The following TNNT3 variants were observed in gnomAD, a reference collection of about 807,000 sequenced individuals.
TNNT3 encodes the protein troponin T3, fast skeletal type.
A neutral mutation model predicts 54.2 loss-of-function variants in TNNT3; 36 were observed. That is an observed-to-expected ratio of 0.66 (90% CI 0.51 to 0.88). The LOEUF is 0.88. Among genes scored for constraint, TNNT3 ranks in the 40% least tolerant of loss-of-function variants. The pLI is 0.00. For synonymous variants in TNNT3, 120 were observed against 109.7 expected (o/e 1.09, Z -0.59); for missense variants, 291 against 331.6 (o/e 0.88, Z 0.95).
chr11:1,932,248 C>T lies in TNNT3; in HGVS notation c.126-221C>T, dbSNP rs140839859. On this transcript the variant is annotated intron_variant, in intron 8 of 15. Coordinates refer to ENST00000278317, the MANE Select transcript of TNNT3 (RefSeq NM_006757.4). ...AAAAGGCAGACGGTGGCGCTGGAAGCGGAAGCCTTCTTGAGGGGCTCAAGC... is the reference window on the plus strand; with the variant it reads ...AAAAGGCAGACGGTGGCGCTGGAAGTGGAAGCCTTCTTGAGGGGCTCAAGC... Among the ~76,000 whole-genome samples the T allele has an allele frequency of 3.7e-4, 56 of 152,370 alleles. No individual in the cohort carries two copies. The East Asian group carries it at 9.8e-3, about 27-fold the overall frequency.
At chr11:1,927,358 G>A (rs552024933) in intron 6 of TNNT3, among the ~76,000 whole-genome samples, 18 of 152,316 alleles carry the variant, frequency 1.2e-4, no homozygotes, top group Admixed American at 4.6e-4. Flanking sequence ...TAGTGGGGCC[G>A]GCTGTACTGG....
Position 1,938,543 on chromosome 11 carries a change from C to A in TNNT3, c.*51C>A. 1 of 1,570,756 alleles carries A rather than the reference C, an allele frequency of 6.4e-7. No individual in the cohort carries two copies. On this transcript the variant is annotated 3_prime_UTR_variant, in exon 16 of 16. Coordinates refer to ENST00000278317, the MANE Select transcript of TNNT3 (RefSeq NM_006757.4). ...AGAGACCCTCCGCCCTCTTGCACAC[C>A]AGGGCCGCTCGTGGGACTCCACATC...
rs773302816 is a variant in TNNT3, at chr11:1,932,485, A to G, written c.142A>G (p.Ile48Val). The G allele has an allele frequency of 6.2e-7, 1 of 1,613,798 alleles. No individual in the cohort carries two copies. The highest frequency in any genetic ancestry group is 1.7e-5 in the Admixed American group (1 of 60,016). ...KPRPKLTAPK[I>V]PEGEKVDFDD... is the part of the protein sequence containing the mutation. ...CCTCTTCAGACTCACTGCTCCTAAG[A>G]TCCCAGAAGGGGAGAAAGTGGACTT... is the stretch of plus-strand genomic sequence containing the variant. Residue 48 changes from isoleucine to valine, a missense_variant, in exon 9 of 16, where the codon ATC (isoleucine) becomes GTC (valine). By Grantham distance (29) the Ile-to-Val change is conservative. Coordinates refer to ENST00000278317, the MANE Select transcript of TNNT3 (RefSeq NM_006757.4).
chr11:1,923,005 C>T (rs368151355), intron 2 of TNNT3, 43 bp from the exon 3 acceptor site: 19 of 1,613,714 alleles, frequency 1.2e-5, no homozygotes, highest in Non-Finnish European at 1.6e-5. Flanking sequence ...CCCAGCCTCA[C>T]TACCTCTCTC....
At chr11:1,925,638 C>T (rs1439050138) in intron 5 of TNNT3, among the ~76,000 whole-genome samples, 3 of 152,030 alleles carry the variant, frequency 2.0e-5, no homozygotes, top group Non-Finnish European at 4.4e-5. Flanking sequence ...CCCGTGGTGG[C>T]GTCGACCCCT....
At chr11:1,925,355 G>A (rs758087309) in intron 5 of TNNT3, 6 of 1,499,340 alleles carry the variant, frequency 4.0e-6, no homozygotes, top group Non-Finnish European at 5.4e-6. Flanking sequence ...GGGGAGAGGG[G>A]GAGAGGGTGG....
rs899456780 is a variant in TNNT3 at position 1,919,768 on chromosome 11, T to C, written c.-19+6T>C. ...TTCTCACACTCGACCCGCAGGTGGG[T>C]ATAGGCAGGAGCGGCCACCCAGGAC... On this transcript the variant is annotated splice_donor_region_variant and intron_variant, in intron 1 of 15. Transcript: ENST00000278317. 2.0e-5 allele frequency: 3 copies of C among 152,126 alleles called. No individual in the cohort carries two copies. Among genetic ancestry groups the C allele is most frequent in the African/African-American group, 7.3e-5 (3 of 41,368 alleles). The allele number at this position is 152,126 out of a possible 1,614,324, so 9.4% of individuals were successfully genotyped here. A position where few individuals can be genotyped will look rare whatever the true frequency, so the allele number is the denominator to read the frequency against.
chr11:1,929,624 T>A (rs1414279340), intron 7 of TNNT3, among the ~76,000 whole-genome samples, 186 bp from the exon 8 acceptor site: 1 of 152,236 alleles, frequency 6.6e-6, no homozygotes, highest in Non-Finnish European at 1.5e-5. Flanking sequence ...CAGGGGCTTT[T>A]GCAGGCCTAG....
At chr11:1,928,947 A>G in intron 6 of TNNT3, 173 bp from the exon 7 acceptor site, 1 of 761,540 alleles carries the variant, frequency 1.3e-6, no homozygotes, top group Non-Finnish European at 2.3e-6. Context: ...GCATTGATTC[A>G]CCGGCCCCAG....
rs1852799600 is a variant in TNNT3, at chr11:1,929,806, C to T, written c.107-4C>T. The T allele has an allele frequency of 6.4e-7, 1 of 1,551,662 alleles. No homozygotes were observed. The highest frequency in any genetic ancestry group is 1.2e-5 in the South Asian group (1 of 84,020). ...TCTCCCTACGCTGGTGCTGTGTGGA[C>T]CAGAGGAGAAACCGAGACCCAAGTG... On this transcript the variant is annotated splice_polypyrimidine_tract_variant and splice_region_variant and intron_variant, in intron 7 of 15. Coordinates refer to ENST00000278317, the MANE Select transcript of TNNT3 (RefSeq NM_006757.4).
rs141020473 is a variant in TNNT3, at chr11:1,933,940, C to T, written c.298C>T (p.Arg100Cys). ...VALKERIEKR[R>C]AERAEQQRIR... ...CCTTCTCTGGCTGCAGGAGAAGCGC[C>T]GTGCAGAGAGAGCGGAGCAGCAGAG... is the stretch of plus-strand genomic sequence containing the variant. Residue 100 changes from arginine to cysteine, a missense_variant, in exon 11 of 16, where the codon CGT becomes TGT. Physicochemically the swap from Arg to Cys is radical, Grantham distance 180. Transcript: ENST00000278317. 28 of 1,612,628 alleles carry T rather than the reference C, an allele frequency of 1.7e-5. No homozygotes were observed. The highest frequency in any genetic ancestry group is 2.0e-5 in the Non-Finnish European group (24 of 1,180,006).
At chr11:1,934,702 C>A (rs1412000465) in intron 13 of TNNT3, 47 bp downstream of exon 13, 4 of 1,603,488 alleles carry the variant, frequency 2.5e-6, no homozygotes, top group Non-Finnish European at 3.4e-6. Flanking sequence ...GTGGCCCCTG[C>A]AGGAGCTGCC....
intron 14 of TNNT3, 84 bp from the exon 15 acceptor site, chr11:1,936,879 C>G: frequency 1.4e-6 from 2 of 1,458,190 alleles, no homozygotes; most frequent in South Asian, 2.4e-5. Context: ...GCCCAGCCCA[C>G]CCTGCGGTGG....
chr11:1,934,990 C>CT, intron 14 of TNNT3, 71 bp downstream of exon 14: 3 of 1,424,458 alleles, frequency 2.1e-6, no homozygotes, highest in Non-Finnish European at 3.0e-6. Flanking sequence ...CATCTCCCTG[C>CT]GTCCCTACCA....
At chr11:1,926,128 G>A (rs1368027722) in intron 5 of TNNT3, among the ~76,000 whole-genome samples, 2 of 152,152 alleles carry the variant, frequency 1.3e-5, no homozygotes, top group Non-Finnish European at 2.9e-5. Flanking sequence ...CCCTTCTGGG[G>A]GCGCCCCAGG....
chr11:1,924,739 G>A (rs549409447), intron 4 of TNNT3, among the ~76,000 whole-genome samples: 9 of 152,276 alleles, frequency 5.9e-5, no homozygotes, highest in South Asian at 4.1e-4. Context: ...TTCTGTCCCC[G>A]TTCTCACTTG....
chr11:1,924,334 C>T (rs374472872), intron 4 of TNNT3, among the ~76,000 whole-genome samples: 95 of 152,304 alleles, frequency 6.2e-4, no homozygotes, highest in African/African-American at 1.8e-3. Context: ...CGGGTGTGGG[C>T]GCACCTGGGA....
intron 15 of TNNT3, among the ~76,000 whole-genome samples, chr11:1,937,870 G>A (rs1332134688): frequency 1.3e-5 from 2 of 152,212 alleles, no homozygotes; most frequent in East Asian, 3.8e-4. Flanking sequence ...TGCCGAGAGT[G>A]CCCAGGAACG....
At chr11:1,937,130 C>CCAGGCCACCCAGGCCAGCATGCG in intron 15 of TNNT3, 127 bp downstream of exon 15, 3 of 970,450 alleles carry the variant, frequency 3.1e-6, no homozygotes, top group Non-Finnish European at 4.7e-6. Context: ...ACTAACCCGG[C>CCAGGCCACCCAGGCCAGCATGCG]CAGGCCACCC....
Sources: allele counts gnomAD v4.1 joint callset (sites outside exome capture counted in the v4.1 genomes callset), GRCh38; gene constraint gnomAD v4.1.1; transcripts MANE v1.5; gene names NCBI Gene and HGNC (gene_info 2026-07-23, HGNC 2026-07-21).